DST: variants seen among roughly 807,000 people sequenced by gnomAD.
DST encodes the protein dystonin.
A neutral mutation model predicts 875.2 loss-of-function variants in DST; 253 were observed. That is an observed-to-expected ratio of 0.29 (90% CI 0.26 to 0.32). The LOEUF is 0.32. Among genes scored for constraint, DST ranks in the 10% least tolerant of loss-of-function variants. The probability of loss-of-function intolerance (pLI) is 1.00; values close to 1 mark genes in which losing one functional copy is unlikely to be tolerated. For synonymous variants in DST, 3,124 were observed against 3,197.1 expected (o/e 0.98, Z 0.77); for missense variants, 8,287 against 9,111.6 (o/e 0.91, Z 3.68).
At chr6:56,847,811 G>A (rs1051601317) in intron 4 of DST, among the ~76,000 whole-genome samples, 12 of 152,032 alleles carry the variant, frequency 7.9e-5, no homozygotes, top group South Asian at 4.1e-4. Flanking sequence ...AATAATTACC[G>A]CGTTGTAACT....
chr6:56,608,540 G>C lies in DST; in HGVS notation c.6088C>G (p.Gln2030Glu). Residue 2030 changes from glutamine (Q) to glutamate (E), a missense_variant, in exon 40 of 104, where the codon CAA (glutamine) becomes GAA (glutamate). By Grantham distance (29) the Gln-to-Glu change is conservative. Coordinates refer to ENST00000680361, the MANE Select transcript of DST (RefSeq NM_001374736.1). ...TASSILTYQV[Q>E]TGGIIQSNPA... The stretch of plus-strand genomic sequence containing the variant: ...TTTGACTGGATGATTCCACCAGTTT[G>C]AACCTGATATGTGAGGATACTGCTA... 6.2e-7 allele frequency: 1 copy of C among 1,613,460 alleles called. No homozygotes were observed. The highest frequency in any genetic ancestry group is 1.3e-5 in the African/African-American group (1 of 75,002).
chr6:56,535,059 G>A (rs766017389), intron 63 of DST, 63 bp downstream of exon 63: 3 of 1,566,506 alleles, frequency 1.9e-6, no homozygotes, highest in Non-Finnish European at 2.6e-6. Flanking sequence ...GTCACAATTT[G>A]CATTTTTTCT....
intron 2 of DST, among the ~76,000 whole-genome samples, chr6:56,946,305 T>C (rs1562493111): frequency 1.3e-5 from 2 of 152,314 alleles, no homozygotes; most frequent in East Asian, 1.9e-4. Context: ...TTGGAAATCA[T>C]TGGTGACCTA....
intron 77 of DST, among the ~76,000 whole-genome samples, chr6:56,504,451 G>T (rs2096248389): frequency 6.6e-6 from 1 of 151,904 alleles, no homozygotes; most frequent in South Asian, 2.1e-4. Flanking sequence ...TATACTGAAA[G>T]GAAAAGATTC....
At position 56,573,898 on chromosome 6, in the gene DST, C is replaced by G. The variant is rs757935664; in HGVS notation, c.13028-11G>C. 14 of 1,601,098 alleles carry G rather than the reference C, an allele frequency of 8.7e-6. No individual in the cohort carries two copies. The highest frequency in any genetic ancestry group is 1.7e-6 in the Non-Finnish European group (2 of 1,169,810). ...TCCCAACAATGTCATCTACTCCAAA[C>G]AGATCAGGAATATTAACCACAAAGT... On this transcript the variant is annotated splice_polypyrimidine_tract_variant and intron_variant, in intron 50 of 103. Transcript: ENST00000680361.
intron 4 of DST, among the ~76,000 whole-genome samples, chr6:56,782,959 T>G (rs2099697160): frequency 6.6e-6 from 1 of 152,250 alleles, no homozygotes; most frequent in African/African-American, 2.4e-5. Context: ...ACATCTTTAT[T>G]ACTGCCTTCA....
At position 56,553,618 on chromosome 6, in the gene DST, G is replaced by A. The variant is rs148071136; in HGVS notation, c.15174C>T (p.Ser5058=). ...HVQHLQSACA[S]SHQFQQMSRD... ...TAGACATTTGCTGAAATTGATGAGA[G>A]CTTGCACAGGCCGACTGAAGGTGCT... Residue 5058 remains serine, a synonymous_variant, in exon 61 of 104, where the codon AGC becomes AGT. Coordinates refer to ENST00000680361, the MANE Select transcript of DST (RefSeq NM_001374736.1). The A allele has an allele frequency of 2.5e-4, 396 of 1,613,502 alleles. No homozygotes were observed. The African/African-American group carries it at 4.8e-3, about 19-fold the overall frequency.
At chr6:56,935,016 T>C (rs1337940522) in intron 2 of DST, among the ~76,000 whole-genome samples, 1 of 152,168 alleles carries the variant, frequency 6.6e-6, no homozygotes, top group African/African-American at 2.4e-5. Context: ...CCCTATCAAT[T>C]GGCAGTATCT....
At chr6:56,635,842 G>T in intron 23 of DST, 128 bp from the exon 24 acceptor site, 1 of 950,704 alleles carries the variant, frequency 1.1e-6, no homozygotes, top group Non-Finnish European at 1.7e-6. Context: ...GCACAAGATA[G>T]CTTAATAGTC....
chr6:56,799,912 A>C (rs1444175445), intron 4 of DST, among the ~76,000 whole-genome samples: 1 of 152,208 alleles, frequency 6.6e-6, no homozygotes, highest in Non-Finnish European at 1.5e-5. Flanking sequence ...GGCATGAGCC[A>C]CCACGTCCAG....
chr6:56,592,763 A>G (rs1034709973), intron 48 of DST, among the ~76,000 whole-genome samples: 11 of 152,210 alleles, frequency 7.2e-5, no homozygotes, highest in African/African-American at 1.9e-4. Context: ...AAAGGAAGAC[A>G]AAGAGTCTAT....
chr6:56,703,406 T>C (rs1189918380), intron 7 of DST, among the ~76,000 whole-genome samples: 2 of 152,206 alleles, frequency 1.3e-5, no homozygotes, highest in African/African-American at 4.8e-5. Flanking sequence ...TCTGTTTAAT[T>C]ACCATGCAGT....
chr6:56,935,112 T>C (rs1363812771), intron 2 of DST, among the ~76,000 whole-genome samples: 4 of 152,192 alleles, frequency 2.6e-5, no homozygotes. Context: ...CAAGGCATGC[T>C]TGAGTCCATT....
At chr6:56,822,524 T>C (rs1218978105) in intron 4 of DST, among the ~76,000 whole-genome samples, 1 of 152,166 alleles carries the variant, frequency 6.6e-6, no homozygotes, top group Admixed American at 6.5e-5. Context: ...ACCATGTATA[T>C]GTGTGTAAAG....
At chr6:56,485,642 ACTTT>A (rs906699090) in intron 87 of DST, among the ~76,000 whole-genome samples, 171 bp from the exon 88 acceptor site, 2 of 152,206 alleles carry the variant, frequency 1.3e-5, no homozygotes, top group African/African-American at 2.4e-5. Flanking sequence ...ACTTTTCTAA[ACTTT>A]CTTTCTTATT....
chr6:56,796,284 T>C (rs2099739614), intron 4 of DST, among the ~76,000 whole-genome samples: 1 of 152,186 alleles, frequency 6.6e-6, no homozygotes. Context: ...AGGAAAGTCA[T>C]GCAAGAAAGA....
intron 2 of DST, among the ~76,000 whole-genome samples, chr6:56,946,195 A>G (rs1819414860): frequency 6.6e-6 from 1 of 152,234 alleles, no homozygotes; most frequent in South Asian, 2.1e-4. Context: ...GGTGTTGTCT[A>G]GAAACCAGGA....
intron 49 of DST, among the ~76,000 whole-genome samples, chr6:56,582,608 T>A (rs1160254028): frequency 1.3e-5 from 2 of 151,896 alleles, no homozygotes; most frequent in Non-Finnish European, 2.9e-5. Context: ...TTTCTTTTTT[T>A]TTTTTATTAA....
chr6:56,509,848 A>G lies in DST; in HGVS notation c.18806T>C (p.Leu6269Pro). The G allele has an allele frequency of 6.2e-7, 1 of 1,613,086 alleles. No individual in the cohort carries two copies. The highest frequency in any genetic ancestry group is 8.5e-7 in the Non-Finnish European group (1 of 1,179,400). Reference protein sequence around the residue: ...TQFHDKIDQILESLERIVERL... With the variant: ...TQFHDKIDQIPESLERIVERL... The stretch of plus-strand genomic sequence containing the variant: ...TTCCACGATGCGTTCCAGGCTCTCA[A>G]GGATCTGATCTATCTTGTCATGGAA... Residue 6269 changes from leucine to proline, a missense_variant, in exon 74 of 104, where the codon CTT (leucine) becomes CCT (proline). Coordinates refer to ENST00000680361, the MANE Select transcript of DST (RefSeq NM_001374736.1).
Sources: allele counts gnomAD v4.1 joint callset (sites outside exome capture counted in the v4.1 genomes callset), GRCh38; gene constraint gnomAD v4.1.1; transcripts MANE v1.5; gene names NCBI Gene and HGNC (gene_info 2026-07-23, HGNC 2026-07-21).